CCDC73: variants seen among roughly 807,000 people sequenced by gnomAD.
CCDC73 encodes coiled-coil domain containing 73.
CCDC73 carries 95 observed loss-of-function variants against 116.5 expected under a neutral mutation model. The ratio of observed to expected loss-of-function variants is 0.82; its 90% CI spans 0.69 to 0.97. The LOEUF (loss-of-function observed/expected upper bound fraction) is 0.97. Among genes scored for constraint, CCDC73 ranks in the 50% least tolerant of loss-of-function variants. The pLI is 0.00. For missense variants in CCDC73, 1,066 were observed against 1,206.8 expected (o/e 0.88, Z 1.73); for synonymous variants, 398 against 401.3 (o/e 0.99, Z 0.10).
chr11:32,623,389 C>A (rs578217319), intron 14 of CCDC73, among the ~76,000 whole-genome samples: 1 of 152,242 alleles, frequency 6.6e-6, no homozygotes, highest in Non-Finnish European at 1.5e-5. Context: ...CAGGGTCTCC[C>A]TCAGTCCTCC....
intron 14 of CCDC73, among the ~76,000 whole-genome samples, chr11:32,628,184 G>A (rs1037569474): frequency 3.9e-5 from 6 of 152,208 alleles, no homozygotes; most frequent in African/African-American, 7.2e-5. Context: ...GGAAAATTGC[G>A]TTCTCTGAGA....
chr11:32,709,047 G>C lies in CCDC73; in HGVS notation c.208-6103C>G, dbSNP rs1436903722. Among the ~76,000 whole-genome samples the C allele has an allele frequency of 2.0e-5, 3 of 152,268 alleles. No individual in the cohort carries two copies. In the East Asian group the frequency reaches 5.8e-4, roughly 29 times the overall value. On this transcript the variant is annotated intron_variant, in intron 3 of 17. Coordinates refer to ENST00000335185, the MANE Select transcript of CCDC73 (RefSeq NM_001008391.4). ...TAATGTTGGCTGTGGGTTTGTCATA[G>C]ATGGCTTTTATTACCTTAAGGTATG...
intron 2 of CCDC73, among the ~76,000 whole-genome samples, chr11:32,720,282 C>T (rs936187582): frequency 6.6e-6 from 1 of 152,048 alleles, no homozygotes; most frequent in Non-Finnish European, 1.5e-5. Flanking sequence ...ATCATATGAT[C>T]GCATCAACCA....
At chr11:32,670,094 G>A (rs1464952536) in intron 9 of CCDC73, among the ~76,000 whole-genome samples, 2 of 152,130 alleles carry the variant, frequency 1.3e-5, no homozygotes, top group Non-Finnish European at 2.9e-5. Context: ...TGCTTTAAAG[G>A]TGCTTTCTTA....
At chr11:32,621,603 A>G (rs1855523746) in intron 14 of CCDC73, among the ~76,000 whole-genome samples, 1 of 152,236 alleles carries the variant, frequency 6.6e-6, no homozygotes, top group Admixed American at 6.5e-5. Flanking sequence ...CATTCAGGAC[A>G]TAGGCATGGG....
intron 2 of CCDC73, among the ~76,000 whole-genome samples, chr11:32,739,081 GT>G (rs1327425610): frequency 1.3e-5 from 2 of 152,070 alleles, no homozygotes; most frequent in African/African-American, 4.8e-5. Context: ...GTACCATGCT[GT>G]TTTGGTTACC....
At chr11:32,711,471 T>A (rs938857107) in intron 3 of CCDC73, among the ~76,000 whole-genome samples, 1 of 152,106 alleles carries the variant, frequency 6.6e-6, no homozygotes, top group Non-Finnish European at 1.5e-5. Flanking sequence ...TAAAAAGGAA[T>A]GCAATAATGG....
At chr11:32,829,744 G>A in the CCDC73 span, 1 of 984,480 alleles carries the variant, frequency 1.0e-6, no homozygotes, top group Non-Finnish European at 1.2e-6. Flanking sequence ...CGCCAAGGCG[G>A]GGCCAGAACT....
chr11:32,774,704 T>C (rs1048576248), intron 1 of CCDC73, among the ~76,000 whole-genome samples: 1 of 152,170 alleles, frequency 6.6e-6, no homozygotes, highest in African/African-American at 2.4e-5. Flanking sequence ...GTATAACAAA[T>C]AATACCCAAC....
At chr11:32,791,304 T>C (rs1850673535) in intron 1 of CCDC73, among the ~76,000 whole-genome samples, 1 of 152,216 alleles carries the variant, frequency 6.6e-6, no homozygotes, top group African/African-American at 2.4e-5. Context: ...GCCTTAATTA[T>C]CTACATGATT....
At chr11:32,760,036 T>C in intron 2 of CCDC73, 73 bp downstream of exon 2, 3 of 1,289,352 alleles carry the variant, frequency 2.3e-6, no homozygotes, top group Non-Finnish European at 3.3e-6. Flanking sequence ...AGGCTTTTTA[T>C]TCTTTAAAAA....
chr11:32,634,635 C>T (rs1855662005), intron 14 of CCDC73, among the ~76,000 whole-genome samples: 1 of 152,102 alleles, frequency 6.6e-6, no homozygotes, highest in Admixed American at 6.6e-5. Flanking sequence ...TGTTATTCAA[C>T]ATTAGATTAG....
intron 7 of CCDC73, chr11:32,680,641 A>C (rs1459701014): frequency 1.3e-5 from 2 of 152,114 alleles, no homozygotes; most frequent in Non-Finnish European, 2.9e-5. Flanking sequence ...TTACTGATAA[A>C]ATGCACAGCT....
At chr11:32,809,435 C>A in the CCDC73 span, among the ~76,000 whole-genome samples, 1 of 152,220 alleles carries the variant, frequency 6.6e-6, no homozygotes, top group Non-Finnish European at 1.5e-5. Flanking sequence ...GGGTCACACA[C>A]AGGACTGGAC....
At chr11:32,803,631 A>G in the CCDC73 span, among the ~76,000 whole-genome samples, 1 of 152,222 alleles carries the variant, frequency 6.6e-6, no homozygotes, top group Non-Finnish European at 1.5e-5. Flanking sequence ...CATGCCTGAA[A>G]TAGTATGCAT....
At chr11:32,650,551 T>C (rs1398746587) in intron 12 of CCDC73, among the ~76,000 whole-genome samples, 1 of 152,186 alleles carries the variant, frequency 6.6e-6, no homozygotes, top group East Asian at 1.9e-4. Context: ...ATTATCTAAC[T>C]ATAGAGTGGG....
chr11:32,718,221 G>C (rs1849962358), intron 2 of CCDC73, 74 bp from the exon 3 acceptor site: 1 of 997,538 alleles, frequency 1.0e-6, no homozygotes, highest in African/African-American at 1.6e-5. Context: ...TCTTTCTGGA[G>C]AGATATAGAA....
At chr11:32,800,194 A>C in the CCDC73 span, among the ~76,000 whole-genome samples, 4 of 152,182 alleles carry the variant, frequency 2.6e-5, no homozygotes, top group African/African-American at 9.7e-5. Flanking sequence ...CAATATTAGT[A>C]TGATGGATTA....
In CCDC73 at chr11:32,665,390, T is replaced by C. The variant is rs552705657; in HGVS notation, c.645+10175A>G. 1.2e-4 allele frequency among the ~76,000 whole-genome samples: 18 copies of C among 152,336 alleles called. No individual in the cohort carries two copies. The South Asian group carries it at 3.3e-3, about 28-fold the overall frequency. The stretch of plus-strand genomic sequence containing the variant: ...AGGATAGTTAGCTCTTCTTGTTGAA[T>C]TGATCCCTTTACCATTATGTAATGG... On this transcript the variant is annotated intron_variant, in intron 9 of 17. Transcript: ENST00000335185.
Sources: allele counts gnomAD v4.1 joint callset (sites outside exome capture counted in the v4.1 genomes callset), GRCh38; gene constraint gnomAD v4.1.1; transcripts MANE v1.5; gene names NCBI Gene and HGNC (gene_info 2026-07-23, HGNC 2026-07-21).